Variants in TLE4 observed in about 807,000 individuals in gnomAD.
TLE4 encodes transducin-like enhancer protein 4.
In TLE4, 8 loss-of-function variants were observed where a neutral mutation model predicts 92.8. That is an observed-to-expected ratio of 0.09 (90% CI 0.05 to 0.16). TLE4 has a LOEUF of 0.16. TLE4 is among the 10% of genes least tolerant of loss of function. The probability of loss-of-function intolerance (pLI) is 1.00; values close to 1 mark genes in which losing one functional copy is unlikely to be tolerated. For missense variants in TLE4, 675 were observed against 997.6 expected, an observed-to-expected ratio of 0.68 and a Z score of 4.36; for synonymous variants, 371 against 374.1, an observed-to-expected ratio of 0.99 and a Z score of 0.10.
intron 8 of TLE4, among the ~76,000 whole-genome samples, chr9:79,700,674 T>A (rs1018052602): frequency 6.6e-6 from 1 of 152,134 alleles, no homozygotes; most frequent in Non-Finnish European, 1.5e-5. Flanking sequence ...GTTTTCCTGC[T>A]CTTTTTCTTA....
chr9:79,652,213 G>A (rs2059130816), intron 6 of TLE4, among the ~76,000 whole-genome samples: 1 of 151,252 alleles, frequency 6.6e-6, no homozygotes, highest in South Asian at 2.1e-4. Flanking sequence ...TTGAGATGGA[G>A]TCTTGCTCTG....
At chr9:79,718,077 C>T (rs978123234) in intron 14 of TLE4, 4 of 456,494 alleles carry the variant, frequency 8.8e-6, no homozygotes, top group Admixed American at 7.0e-5. Context: ...CACAGGTAGG[C>T]CTTTGGGGCT....
At chr9:79,659,329 G>T (rs137991157) in intron 8 of TLE4, among the ~76,000 whole-genome samples, 1 of 151,988 alleles carries the variant, frequency 6.6e-6, no homozygotes, top group Non-Finnish European at 1.5e-5. Context: ...TTTCTTTGCC[G>T]AAGTATTTGT....
intron 6 of TLE4, among the ~76,000 whole-genome samples, chr9:79,641,225 C>T (rs1253027257): frequency 6.6e-6 from 1 of 150,472 alleles, no homozygotes; most frequent in Non-Finnish European, 1.5e-5. Flanking sequence ...GTATTTAATA[C>T]TCACTTGGAA....
At position 79,721,851 on chromosome 9, in the gene TLE4, A is replaced by G. The variant is rs765868124; in HGVS notation, c.1949A>G (p.Glu650Gly). The change falls in exon 17 of 20, where the codon GAG becomes GGG. Residue 650 changes from glutamate to glycine, a missense_variant. Coordinates refer to ENST00000376552, the MANE Select transcript of TLE4 (RefSeq NM_007005.6). ...ACGGTCAGGTCCTGGGACCTGCGCG[A>G]GGGGCGGCAGCTGCAGCAGCACGAC... ...DNTVRSWDLR[E>G]GRQLQQHDFT... 6.2e-7 allele frequency: 1 copy of G among 1,613,654 alleles called. No homozygotes were observed. Among genetic ancestry groups the G allele is most frequent in the Non-Finnish European group, 8.5e-7 (1 of 1,179,882 alleles).
intron 8 of TLE4, among the ~76,000 whole-genome samples, chr9:79,696,263 A>T (rs902401103): frequency 1.4e-4 from 22 of 152,300 alleles, no homozygotes; most frequent in Admixed American, 1.2e-3. Flanking sequence ...TTATACATTT[A>T]AAAAAATCTG....
At chr9:79,588,852 TG>T (rs951016392) in intron 4 of TLE4, among the ~76,000 whole-genome samples, 4 of 152,206 alleles carry the variant, frequency 2.6e-5, no homozygotes, top group African/African-American at 9.7e-5. Context: ...GTACCTTTTT[TG>T]TGGGGGCAGA....
chr9:79,688,297 G>A (rs1354616837), intron 8 of TLE4, among the ~76,000 whole-genome samples: 2 of 152,102 alleles, frequency 1.3e-5, no homozygotes, highest in African/African-American at 4.8e-5. Context: ...AGGTTACATA[G>A]TTTTTGTGAC....
Position 79,706,195 on chromosome 9 carries a change from C to T in TLE4, c.783+253C>T, listed in dbSNP as rs765746538. ...GAGTAGCTGGAACTACAGGCACGTGCCACCACGCTTGGCTCATATTTAAAT... is the reference window on the plus strand; with the variant it reads ...GAGTAGCTGGAACTACAGGCACGTGTCACCACGCTTGGCTCATATTTAAAT... On this transcript the variant is annotated intron_variant, in intron 10 of 19. Transcript: ENST00000376552. Among the ~76,000 whole-genome samples, 300 of 152,046 alleles carry T rather than the reference C, an allele frequency of 2.0e-3. 7 individuals carry two copies. The highest frequency in any genetic ancestry group is 2.6e-3 in the Non-Finnish European group (177 of 68,020).
In TLE4 at chr9:79,720,089, G is replaced by T; in HGVS notation, c.1634G>T (p.Gly545Val). 1 of 1,613,938 alleles carries T rather than the reference G, an allele frequency of 6.2e-7. No individual in the cohort carries two copies. The highest frequency in any genetic ancestry group is 8.5e-7 in the Non-Finnish European group (1 of 1,179,866). Residue 545 changes from glycine (G) to valine (V), a missense_variant, in exon 16 of 20, where the codon GGT (glycine) becomes GTT (valine). By Grantham distance (109) the Gly-to-Val change is moderately radical. Transcript: ENST00000376552. ...CGTTCCTGCAGATTGCTCCCTGATG[G>T]TCGCACCCTAATTGTTGGAGGGGAA... ...YIRSCRLLPD[G>V]RTLIVGGEAS...
intron 5 of TLE4, among the ~76,000 whole-genome samples, chr9:79,616,473 G>T (rs1216946129): frequency 1.3e-5 from 2 of 152,152 alleles, no homozygotes; most frequent in Non-Finnish European, 2.9e-5. Context: ...GTCTCCTCTT[G>T]GGAGGAGCTA....
At chr9:79,622,549 A>G (rs894261655) in intron 5 of TLE4, among the ~76,000 whole-genome samples, 4 of 152,202 alleles carry the variant, frequency 2.6e-5, no homozygotes, top group African/African-American at 9.6e-5. Flanking sequence ...ATGATTGGGT[A>G]GCATCCTGTA....
chr9:79,704,275 C>A (rs1291268810), intron 8 of TLE4, among the ~76,000 whole-genome samples: 1 of 152,118 alleles, frequency 6.6e-6, no homozygotes, highest in East Asian at 1.9e-4. Flanking sequence ...CCATGCCCAG[C>A]TAATTTGTTT....
At chr9:79,668,222 A>C (rs1398570854) in intron 8 of TLE4, among the ~76,000 whole-genome samples, 1 of 152,118 alleles carries the variant, frequency 6.6e-6, no homozygotes, top group Non-Finnish European at 1.5e-5. Context: ...GATAATTGTG[A>C]AGGATTCATG....
At chr9:79,585,277 A>G (rs2040769241) in intron 4 of TLE4, among the ~76,000 whole-genome samples, 1 of 152,196 alleles carries the variant, frequency 6.6e-6, no homozygotes, top group South Asian at 2.1e-4. Flanking sequence ...CATTTTACGT[A>G]TGTTGGGGCT....
intron 4 of TLE4, among the ~76,000 whole-genome samples, chr9:79,608,328 A>G (rs1262847005): frequency 1.3e-5 from 2 of 152,064 alleles, no homozygotes; most frequent in East Asian, 3.9e-4. Context: ...GAAGTTGTAC[A>G]GTTTCTTTAG....
At chr9:79,601,733 A>G (rs185748307) in intron 4 of TLE4, among the ~76,000 whole-genome samples, 10 of 152,178 alleles carry the variant, frequency 6.6e-5, no homozygotes, top group Admixed American at 2.6e-4. Flanking sequence ...ACAGTATTGA[A>G]ATTAGGCCAA....
At chr9:79,619,910 C>T (rs1355873056) in intron 5 of TLE4, among the ~76,000 whole-genome samples, 1 of 152,082 alleles carries the variant, frequency 6.6e-6, no homozygotes, top group Non-Finnish European at 1.5e-5. Flanking sequence ...TAATTCTGTC[C>T]CATATTCCGT....
chr9:79,602,194 ACAAAGTGAAGCGG>A (rs2045817670), intron 4 of TLE4, among the ~76,000 whole-genome samples: 1 of 152,238 alleles, frequency 6.6e-6, no homozygotes, highest in Admixed American at 6.5e-5. Flanking sequence ...ATGTGAAAGT[ACAAAGTGAAGCGG>A]CAAGTACTGA....
Sources: allele counts gnomAD v4.1 joint callset (sites outside exome capture counted in the v4.1 genomes callset), GRCh38; gene constraint gnomAD v4.1.1; transcripts MANE v1.5; gene names NCBI Gene and HGNC (gene_info 2026-07-23, HGNC 2026-07-21).